CFAP61: variants seen among roughly 807,000 people sequenced by gnomAD.
CFAP61 encodes the protein cilia- and flagella-associated protein 61.
CFAP61 carries 107 observed loss-of-function variants against 135.6 expected under a neutral mutation model. The observed-to-expected ratio is 0.79, with a 90% confidence interval of 0.67 to 0.93. CFAP61 has a LOEUF of 0.93. CFAP61 is among the 40% of genes least tolerant of loss of function. CFAP61 has a pLI of 0.00. For missense variants in CFAP61, 1,507 were observed against 1,556.2 expected, an observed-to-expected ratio of 0.97 and a Z score of 0.53; for synonymous variants, 575 against 578.5, an observed-to-expected ratio of 0.99 and a Z score of 0.09.
intron 10 of CFAP61, among the ~76,000 whole-genome samples, chr20:20,163,088 G>A (rs979683257): frequency 7.9e-5 from 12 of 152,296 alleles, no homozygotes; most frequent in African/African-American, 2.4e-4. Flanking sequence ...AAATGAAAAC[G>A]TTGAAAGTTC....
At chr20:20,214,903 G>C (rs2047932120) in intron 17 of CFAP61, among the ~76,000 whole-genome samples, 2 of 152,242 alleles carry the variant, frequency 1.3e-5, no homozygotes, top group Non-Finnish European at 2.9e-5. Context: ...AGAGTGGAGA[G>C]AGAGAAGCAT....
intron 1 of CFAP61, among the ~76,000 whole-genome samples, chr20:20,055,667 T>C (rs1331906558): frequency 1.3e-5 from 2 of 152,274 alleles, no homozygotes; most frequent in Non-Finnish European, 2.9e-5. Flanking sequence ...TTTTATATAC[T>C]TGTAGCATTA....
At chr20:20,255,980 C>T (rs534261042) in intron 20 of CFAP61, among the ~76,000 whole-genome samples, 2 of 152,176 alleles carry the variant, frequency 1.3e-5, no homozygotes, top group Non-Finnish European at 2.9e-5. Context: ...TGAGGTGCCA[C>T]GTGAGAAGTT....
intron 19 of CFAP61, among the ~76,000 whole-genome samples, chr20:20,248,983 G>C (rs2050678437): frequency 6.6e-6 from 1 of 152,180 alleles, no homozygotes; most frequent in Non-Finnish European, 1.5e-5. Flanking sequence ...AAGCTCACTT[G>C]AGGAACAGGA....
At chr20:20,201,577 G>T (rs1216553279) in intron 17 of CFAP61, among the ~76,000 whole-genome samples, 1 of 152,204 alleles carries the variant, frequency 6.6e-6, no homozygotes, top group Non-Finnish European at 1.5e-5. Flanking sequence ...GGAACAGACT[G>T]CTTTGGAAAG....
chr20:20,268,910 CT>C (rs2053033114), intron 21 of CFAP61, among the ~76,000 whole-genome samples: 1 of 151,766 alleles, frequency 6.6e-6, no homozygotes, highest in Non-Finnish European at 1.5e-5. Context: ...AGTTTACTGC[CT>C]TATTAAAAGC....
At chr20:20,261,740 T>G (rs1224413232) in intron 20 of CFAP61, among the ~76,000 whole-genome samples, 2 of 152,124 alleles carry the variant, frequency 1.3e-5, no homozygotes, top group Admixed American at 6.6e-5. Context: ...CTGGCCATAC[T>G]GGATCCATAC....
At chr20:20,085,528 C>G in intron 6 of CFAP61, 3 of 1,366,310 alleles carry the variant, frequency 2.2e-6, no homozygotes, top group Non-Finnish European at 2.9e-6. Flanking sequence ...CAGAAGAATT[C>G]GTGTTGAGGT....
chr20:20,053,792 A>C (rs2043984361), intron 1 of CFAP61, among the ~76,000 whole-genome samples: 1 of 152,202 alleles, frequency 6.6e-6, no homozygotes, highest in African/African-American at 2.4e-5. Context: ...GCCACCTAAC[A>C]AAATAAATAA....
At position 20,206,097 on chromosome 20, in the gene CFAP61, T is replaced by G. The variant is rs754502761; in HGVS notation, c.1932+6195T>G. ...ACTGGGCAGTGGTCAGGTGGCAAGA[T>G]GAGGCTGTAAGGATATGATAGAGAA... On this transcript the variant is annotated intron_variant, in intron 17 of 26. Coordinates refer to ENST00000245957, the MANE Select transcript of CFAP61 (RefSeq NM_015585.4). Among the ~76,000 whole-genome samples, 3 of 152,240 alleles carry G rather than the reference T, an allele frequency of 2.0e-5. 1 individual carries two copies. Among genetic ancestry groups the G allele is most frequent in the African/African-American group, 7.2e-5 (3 of 41,528 alleles).
chr20:20,233,616 C>G (rs6081933), intron 18 of CFAP61, among the ~76,000 whole-genome samples: 1 of 152,128 alleles, frequency 6.6e-6, no homozygotes, highest in African/African-American at 2.4e-5. Context: ...GAGTCTCAGT[C>G]TCCCCAGGCA....
chr20:20,336,097 A>G (rs1315756151), intron 25 of CFAP61, among the ~76,000 whole-genome samples: 4 of 152,316 alleles, frequency 2.6e-5, no homozygotes, highest in African/African-American at 7.2e-5. Context: ...GTGTCCCCAG[A>G]TGAATCTAAG....
At chr20:20,063,721 T>G (rs1348670221) in intron 2 of CFAP61, among the ~76,000 whole-genome samples, 7 of 152,126 alleles carry the variant, frequency 4.6e-5, no homozygotes, top group Non-Finnish European at 2.9e-5. Flanking sequence ...GAAAAAGCAA[T>G]AAAATGTACT....
intron 2 of CFAP61, among the ~76,000 whole-genome samples, chr20:20,064,727 G>T (rs141729966): frequency 1.6e-4 from 25 of 152,290 alleles, no homozygotes; most frequent in Middle Eastern, 3.4e-3. Context: ...ACGGAGAAGT[G>T]GGGGGACTAC....
chr20:20,352,386 CCT>C (rs1352543289), intron 26 of CFAP61, among the ~76,000 whole-genome samples: 1 of 152,206 alleles, frequency 6.6e-6, no homozygotes, highest in African/African-American at 2.4e-5. Context: ...GATCCAAACA[CCT>C]CTGTCTTTCG....
At chr20:20,148,687 T>G (rs2052124274) in intron 9 of CFAP61, among the ~76,000 whole-genome samples, 1 of 152,094 alleles carries the variant, frequency 6.6e-6, no homozygotes, top group Non-Finnish European at 1.5e-5. Flanking sequence ...TTGGATGTTT[T>G]AGTGTTTTGG....
At chr20:20,176,463 T>C (rs2054634136) in intron 13 of CFAP61, among the ~76,000 whole-genome samples, 1 of 152,188 alleles carries the variant, frequency 6.6e-6, no homozygotes, top group Non-Finnish European at 1.5e-5. Context: ...CCATCACTGA[T>C]AGACTGGATA....
At chr20:20,157,231 A>G (rs1286150930) in intron 9 of CFAP61, among the ~76,000 whole-genome samples, 2 of 152,076 alleles carry the variant, frequency 1.3e-5, no homozygotes, top group Non-Finnish European at 2.9e-5. Context: ...CACCACACCT[A>G]GATTTTTTTG....
intron 21 of CFAP61, among the ~76,000 whole-genome samples, chr20:20,270,680 CTTT>C (rs74180986): frequency 0.46 from 67,593 of 145,902 alleles, 16,330 homozygotes; most frequent in Middle Eastern, 0.59. Flanking sequence ...GTGCATTATT[CTTT>C]TTTTTTTTTT....
Sources: gnomAD v4.1 joint callset for allele counts (sites outside exome capture counted in the v4.1 genomes callset) on GRCh38, gnomAD v4.1.1 for gene constraint, MANE v1.5 for transcripts, NCBI Gene and HGNC (gene_info 2026-07-23, HGNC 2026-07-21) for gene names.